Variants in MAP1A observed in about 807,000 individuals in gnomAD.
MAP1A encodes the protein microtubule-associated protein 1A.
A neutral mutation model predicts 185.9 loss-of-function variants in MAP1A; 42 were observed. That is an observed-to-expected ratio of 0.23 (90% CI 0.18 to 0.29). The LOEUF (loss-of-function observed/expected upper bound fraction) is 0.29. MAP1A is among the 10% of genes least tolerant of loss of function. The probability of loss-of-function intolerance (pLI) is 1.00; values close to 1 mark genes in which losing one functional copy is unlikely to be tolerated. For synonymous variants in MAP1A, 1,229 were observed against 1,335.9 expected (o/e 0.92, Z 1.74); for missense variants, 2,995 against 3,450.4 (o/e 0.87, Z 3.31).
chr15:43,527,345 C>A lies in MAP1A; in HGVS notation c.5872C>A (p.Pro1958Thr), dbSNP rs765382370. The stretch of plus-strand genomic sequence containing the variant: ...TGAGCCGGAGCAGAGAGAGCCCACA[C>A]CCTATCCTGATGAGAGAAGCTTTCA... ...QTEPEQREPT[P>T]YPDERSFQYA... The change falls in exon 4 of 6, where the codon CCC becomes ACC. Residue 1958 changes from proline (P) to threonine (T), a missense_variant. Pro to Thr is a conservative substitution (Grantham distance 38). Transcript: ENST00000300231. The A allele has an allele frequency of 4.3e-6, 7 of 1,614,184 alleles. No individual in the cohort carries two copies. In the South Asian group the frequency reaches 7.7e-5, roughly 18 times the overall value.
chr15:43,520,612 C>T (rs2079315367), intron 1 of MAP1A, 29 bp from the exon 2 acceptor site: 2 of 1,355,616 alleles, frequency 1.5e-6, no homozygotes, highest in South Asian at 1.2e-5. Context: ...TACCTATTCT[C>T]AATATAAATT....
chr15:43,525,536 G>C lies in MAP1A; in HGVS notation c.4063G>C (p.Glu1355Gln), dbSNP rs771710217. 40 of 1,614,240 alleles carry C rather than the reference G, an allele frequency of 2.5e-5. No individual in the cohort carries two copies. Among genetic ancestry groups the C allele is most frequent in the Non-Finnish European group, 3.2e-5 (38 of 1,180,050 alleles). Reference sequence around the variant, plus strand: ...TCCAGGGTTGAAAGACAGAACCTCAGAACAGAAGAAGGAACCTGAGCCAAA... The same window carrying C: ...TCCAGGGTTGAAAGACAGAACCTCACAACAGAAGAAGGAACCTGAGCCAAA... ...KVPGLKDRTSEQKKEPEPKDE... is the reference protein window; with the variant it reads ...KVPGLKDRTSQQKKEPEPKDE... Residue 1355 changes from glutamate to glutamine, a missense_variant, in exon 4 of 6, where the codon GAA becomes CAA. By Grantham distance (29) the Glu-to-Gln change is conservative (BLOSUM62 2). Around this residue, in one of 3 missense-constraint regions of MAP1A, gnomAD observed 2,728 missense variants for 2,986.0 expected, o/e 0.91. Transcript: ENST00000300231.
Position 43,525,773 on chromosome 15 carries a change from A to G in MAP1A, c.4300A>G (p.Lys1434Glu). 1 of 1,614,178 alleles carries G rather than the reference A, an allele frequency of 6.2e-7. No homozygotes were observed. Among genetic ancestry groups the G allele is most frequent in the Non-Finnish European group, 8.5e-7 (1 of 1,180,042 alleles). The change falls in exon 4 of 6, where the codon AAA (lysine) becomes GAA (glutamate). Residue 1434 changes from lysine (K) to glutamate (E), a missense_variant. Coordinates refer to ENST00000300231, the MANE Select transcript of MAP1A (RefSeq NM_002373.6). ...QKDKALEPKD[K>E]DLEEKDKALE... is the part of the protein sequence containing the mutation. Reference sequence around the variant, plus strand: ...GGACAAGGCCCTGGAACCAAAAGACAAAGACTTAGAAGAAAAAGACAAGGC... The same window carrying G: ...GGACAAGGCCCTGGAACCAAAAGACGAAGACTTAGAAGAAAAAGACAAGGC...
chr15:43,523,904 T>C lies in MAP1A; in HGVS notation c.2431T>C (p.Tyr811His), dbSNP rs752797463. 2 of 1,614,200 alleles carry C rather than the reference T, an allele frequency of 1.2e-6. No homozygotes were observed. The highest frequency in any genetic ancestry group is 2.2e-5 in the South Asian group (2 of 91,080). ...VYGTPETELT[Y>H]PTNIVAAPLA... ...TGGAACGCCAGAGACTGAACTCACC[T>C]ACCCCACTAACATAGTGGCTGCCCC... Residue 811 changes from tyrosine (Y) to histidine (H), a missense_variant, in exon 4 of 6, where the codon TAC (tyrosine) becomes CAC (histidine). By Grantham distance (83) the Tyr-to-His change is moderately conservative. Coordinates refer to ENST00000300231, the MANE Select transcript of MAP1A (RefSeq NM_002373.6).
rs547863878 is a variant in MAP1A, at chr15:43,529,420, C to T, written c.7947C>T (p.Ser2649=). The T allele has an allele frequency of 6.2e-7, 1 of 1,613,830 alleles. No homozygotes were observed. The highest frequency in any genetic ancestry group is 8.5e-7 in the Non-Finnish European group (1 of 1,179,908). Residue 2649 remains serine, a synonymous_variant, in exon 4 of 6, where the codon AGC becomes AGT. Coordinates refer to ENST00000300231, the MANE Select transcript of MAP1A (RefSeq NM_002373.6). The surrounding 1 kb of genome is among the most constrained non-coding windows in gnomAD (Gnocchi z 4.3). ...CCCGGGCCCCACCTCGACCACGCAG[C>T]ACCACAAGCCAGGTCACCCCAGCAG... ...RASRAPPRPR[S]TTSQVTPAEE... is the part of the protein sequence containing the mutation.
At position 43,525,749 on chromosome 15, in the gene MAP1A, G is replaced by T. The variant is rs1250355779; in HGVS notation, c.4276G>T (p.Asp1426Tyr). The T allele has an allele frequency of 1.2e-6, 2 of 1,614,032 alleles. No individual in the cohort carries two copies. The highest frequency in any genetic ancestry group is 1.3e-5 in the African/African-American group (1 of 74,914). Residue 1426 changes from aspartate (D) to tyrosine (Y), a missense_variant, in exon 4 of 6, where the codon GAC becomes TAC. Transcript: ENST00000300231. ...AAAAGACACAGCCCTAGAACAGAAG[G>T]ACAAGGCCCTGGAACCAAAAGACAA... ...EQKDTALEQK[D>Y]KALEPKDKDL... is the part of the protein sequence containing the mutation.
At chr15:43,516,595 T>G (rs1466547429), upstream of MAP1A, among the ~76,000 whole-genome samples, 2 of 152,092 alleles carry the variant, frequency 1.3e-5, no homozygotes, top group African/African-American at 4.8e-5. Context: ...GATTCTTCCT[T>G]TGAGTCCTAG....
chr15:43,523,767 C>T lies in MAP1A; in HGVS notation c.2294C>T (p.Pro765Leu), dbSNP rs760398734. Reference protein sequence around the residue: ...IHDEPEERPAPPRFHTSTYDL... With the variant: ...IHDEPEERPALPRFHTSTYDL... The stretch of plus-strand genomic sequence containing the variant: ...GATGAGCCGGAGGAGCGCCCAGCTC[C>T]ACCCAGATTTCATACAAGTACATAT... The change falls in exon 4 of 6, where the codon CCA (proline) becomes CTA (leucine). Residue 765 changes from proline to leucine, a missense_variant. Physicochemically the swap from Pro to Leu is moderately conservative, Grantham distance 98. Transcript: ENST00000300231. 1.2e-6 allele frequency: 2 copies of T among 1,614,110 alleles called. No homozygotes were observed. Among genetic ancestry groups the T allele is most frequent in the Admixed American group, 3.3e-5 (2 of 60,032 alleles).
chr15:43,517,505 A>G (rs557141605), upstream of MAP1A: 4 of 162,626 alleles, frequency 2.5e-5, no homozygotes, highest in African/African-American at 9.6e-5. Context: ...AAGGCAAAGA[A>G]ACAGTTAAGT....
Position 43,524,278 on chromosome 15 carries a change from G to C in MAP1A, c.2805G>C (p.Glu935Asp), listed in dbSNP as rs199949970. The C allele has an allele frequency of 3.3e-5, 53 of 1,614,240 alleles. No individual in the cohort carries two copies. In the Middle Eastern group the frequency reaches 6.6e-4, roughly 20 times the overall value. ...GEIIGKGLSG[E>D]RAVEEEEEET... ...TCATAGGGAAAGGCTTGTCTGGAGAGAGAGCTGTGGAAGAGGAAGAGGAGG... is the reference window on the plus strand; with the variant it reads ...TCATAGGGAAAGGCTTGTCTGGAGACAGAGCTGTGGAAGAGGAAGAGGAGG... Residue 935 changes from glutamate (E) to aspartate (D), a missense_variant, in exon 4 of 6, where the codon GAG becomes GAC. Glu to Asp is a conservative substitution (Grantham distance 45). Coordinates refer to ENST00000300231, the MANE Select transcript of MAP1A (RefSeq NM_002373.6).
In MAP1A at chr15:43,525,019, C is replaced by A; in HGVS notation, c.3546C>A (p.His1182Gln). 3.1e-6 allele frequency: 5 copies of A among 1,614,188 alleles called. No individual in the cohort carries two copies. Among genetic ancestry groups the A allele is most frequent in the Non-Finnish European group, 3.4e-6 (4 of 1,180,034 alleles). The change falls in exon 4 of 6, where the codon CAC (histidine) becomes CAA (glutamine). Residue 1182 changes from histidine (H) to glutamine (Q), a missense_variant. Coordinates refer to ENST00000300231, the MANE Select transcript of MAP1A (RefSeq NM_002373.6). ...SPCGLTEQYL[H>Q]KDRWPEVSPE... ...GTGGCCTGACAGAACAGTACCTACA[C>A]AAAGACCGTTGGCCAGAGGTATCTC...
In MAP1A at chr15:43,518,715, C is replaced by A. The variant is rs578214837; in HGVS notation, c.-375+1015C>A. On this transcript the variant is annotated intron_variant, in intron 1 of 5. Transcript: ENST00000300231. ...GCCTCTGCACCGCAGCCCACCCCCCCCCGCAACTCCAGCACTGGCTGAGCA... is the reference window on the plus strand; with the variant it reads ...GCCTCTGCACCGCAGCCCACCCCCCACCGCAACTCCAGCACTGGCTGAGCA... 7.9e-5 allele frequency among the ~76,000 whole-genome samples: 11 copies of A among 139,538 alleles called. No homozygotes were observed. The South Asian group carries it at 9.9e-4, about 13-fold the overall frequency. The allele number at this position is 139,538 out of a possible 152,430, so 91.5% of individuals were successfully genotyped here.
Position 43,525,246 on chromosome 15 carries a change from C to T in MAP1A, c.3773C>T (p.Pro1258Leu). The change falls in exon 4 of 6, where the codon CCC becomes CTC. Residue 1258 changes from proline (P) to leucine (L), a missense_variant. Physicochemically the swap from Pro to Leu is moderately conservative, Grantham distance 98 (BLOSUM62 -3). This residue lies in a region of MAP1A where 2,728 missense variants were observed against 2,986.0 expected (regional missense o/e 0.91). Coordinates refer to ENST00000300231, the MANE Select transcript of MAP1A (RefSeq NM_002373.6). Reference sequence around the variant, plus strand: ...ACAGCTCCCATGTCTGTTCCAGAGCCCCATGCAGCCACAGCGTCACCTCCC... The same window carrying T: ...ACAGCTCCCATGTCTGTTCCAGAGCTCCATGCAGCCACAGCGTCACCTCCC... ...HHTAPMSVPE[P>L]HAATASPPTD... is the part of the protein sequence containing the mutation. The T allele has an allele frequency of 1.9e-6, 3 of 1,614,150 alleles. No homozygotes were observed. The highest frequency in any genetic ancestry group is 2.5e-6 in the Non-Finnish European group (3 of 1,180,024).
Position 43,529,955 on chromosome 15 carries a change from G to A in MAP1A, c.8256+85G>A. 6.4e-7 allele frequency: 1 copy of A among 1,556,758 alleles called. No individual in the cohort carries two copies. The highest frequency in any genetic ancestry group is 1.4e-5 in the African/African-American group (1 of 73,788). On this transcript the variant is annotated intron_variant, in intron 5 of 5. Transcript: ENST00000300231. The surrounding 1 kb of genome is among the most constrained non-coding windows in gnomAD (Gnocchi z 4.3). ...GGAACACAGTCCCTATTTATTAAAGGATGGGCCTTTTCTAAGGGCAGCAGA... is the reference window on the plus strand; with the variant it reads ...GGAACACAGTCCCTATTTATTAAAGAATGGGCCTTTTCTAAGGGCAGCAGA...
At chr15:43,512,109 T>C (rs1338510399) in intron 1 of MAP1A, 6 of 781,812 alleles carry the variant, frequency 7.7e-6, no homozygotes, top group Non-Finnish European at 1.3e-5. Flanking sequence ...ACCTGTTCTG[T>C]GAACTTGAAA....
At chr15:43,515,849 A>C (rs1450256265), upstream of MAP1A, among the ~76,000 whole-genome samples, 1 of 152,130 alleles carries the variant, frequency 6.6e-6, no homozygotes, top group African/African-American at 2.4e-5. Flanking sequence ...ATTTCATTGC[A>C]GCAGAGCCTA....
chr15:43,525,526 C>T lies in MAP1A; in HGVS notation c.4053C>T (p.Asp1351=), dbSNP rs776656674. The T allele has an allele frequency of 9.9e-6, 16 of 1,614,058 alleles. No individual in the cohort carries two copies. In the African/African-American group the frequency reaches 2.1e-4, roughly 22 times the overall value. ...KWEDKVPGLK[D]RTSEQKKEPE... ...AAGATAAAGTTCCAGGGTTGAAAGA[C>T]AGAACCTCAGAACAGAAGAAGGAAC... Residue 1351 remains aspartate (D), a synonymous_variant, in exon 4 of 6, where the codon GAC becomes GAT. Coordinates refer to ENST00000300231, the MANE Select transcript of MAP1A (RefSeq NM_002373.6).
intron 1 of MAP1A, among the ~76,000 whole-genome samples, chr15:43,518,849 G>A (rs952132580): frequency 3.3e-5 from 5 of 152,038 alleles, no homozygotes; most frequent in Admixed American, 3.3e-4. Flanking sequence ...CTTTCTCCCA[G>A]GCCTGAAAAA....
chr15:43,529,273 G>A lies in MAP1A; in HGVS notation c.7800G>A (p.Lys2600=), dbSNP rs773258479. 6.2e-7 allele frequency: 1 copy of A among 1,613,282 alleles called. No individual in the cohort carries two copies. Among genetic ancestry groups the A allele is most frequent in the African/African-American group, 1.3e-5 (1 of 74,966 alleles). The change falls in exon 4 of 6, where the codon AAG becomes AAA. Residue 2600 remains lysine (K), a synonymous_variant. Transcript: ENST00000300231. The surrounding 1 kb of genome is among the most constrained non-coding windows in gnomAD (Gnocchi z 4.3). ...GRVERLREKE[K]VQGRVGRRAP... Reference sequence around the variant, plus strand: ...TAGAGAGGCTACGGGAGAAGGAAAAGGTTCAGGGGCGAGTAGGGCGCAGGG... The same window carrying A: ...TAGAGAGGCTACGGGAGAAGGAAAAAGTTCAGGGGCGAGTAGGGCGCAGGG...
Sources: gnomAD v4.1 joint callset for allele counts (sites outside exome capture counted in the v4.1 genomes callset) on GRCh38, gnomAD v4.1.1 for gene constraint, gnomAD v4.1.1 regional missense constraint, Gnocchi (gnomAD v3.1) non-coding constraint, MANE v1.5 for transcripts, NCBI Gene and HGNC (gene_info 2026-07-23, HGNC 2026-07-21) for gene names.